PLCL1: variants seen among roughly 807,000 people sequenced by gnomAD.
PLCL1 encodes inactive phospholipase C-like protein 1.
In PLCL1, 41 loss-of-function variants were observed where a neutral mutation model predicts 84.4. The observed-to-expected ratio is 0.49, with a 90% confidence interval of 0.38 to 0.63. The LOEUF (loss-of-function observed/expected upper bound fraction) is 0.63. Ranked by LOEUF, PLCL1 falls within the 30% of genes least tolerant of loss-of-function variation. PLCL1 has a pLI of 0.00. For missense variants in PLCL1, 1,206 were observed against 1,367.8 expected (o/e 0.88, Z 1.87); for synonymous variants, 490 against 488.3 (o/e 1.00, Z -0.05).
chr2:197,996,886 A>C (rs572092290), intron 1 of PLCL1, among the ~76,000 whole-genome samples: 7 of 152,196 alleles, frequency 4.6e-5, no homozygotes, highest in Non-Finnish European at 8.8e-5. Context: ...TCAAGGCTGC[A>C]CTAATGACAT....
At chr2:197,980,915 T>C (rs1690091905) in intron 1 of PLCL1, among the ~76,000 whole-genome samples, 1 of 152,188 alleles carries the variant, frequency 6.6e-6, no homozygotes, top group Non-Finnish European at 1.5e-5. Context: ...AGCTGAATTG[T>C]GAAGGAGCCA....
In PLCL1 at chr2:197,804,898, C is replaced by A; in HGVS notation, c.-202C>A. 1 of 525,254 alleles carries A rather than the reference C, an allele frequency of 1.9e-6. No individual in the cohort carries two copies. Among genetic ancestry groups the A allele is most frequent in the South Asian group, 2.8e-5 (1 of 35,818 alleles). The allele number at this position is 525,254 out of a possible 1,614,324, so 32.5% of individuals were successfully genotyped here. Reference sequence around the variant, plus strand: ...GGACTGCTAGCCTCCTAGACCGAAGCCCGAGGACGTCTCTGCCCGAGCGAT... The same window carrying A: ...GGACTGCTAGCCTCCTAGACCGAAGACCGAGGACGTCTCTGCCCGAGCGAT... On this transcript the variant is annotated 5_prime_UTR_variant, in exon 1 of 6. Transcript: ENST00000428675.
At chr2:197,970,784 G>T (rs564024665) in intron 1 of PLCL1, among the ~76,000 whole-genome samples, 1 of 152,146 alleles carries the variant, frequency 6.6e-6, no homozygotes, top group Non-Finnish European at 1.5e-5. Flanking sequence ...TGGGATATGA[G>T]ATATGCAACA....
chr2:197,863,595 T>G (rs756407438), intron 1 of PLCL1, among the ~76,000 whole-genome samples: 2 of 151,962 alleles, frequency 1.3e-5, no homozygotes, highest in Non-Finnish European at 2.9e-5. Context: ...CTTGGCCTAT[T>G]TAAATAGTAT....
At chr2:197,880,278 T>C (rs1687806087) in intron 1 of PLCL1, among the ~76,000 whole-genome samples, 1 of 152,128 alleles carries the variant, frequency 6.6e-6, no homozygotes, top group African/African-American at 2.4e-5. Context: ...TTTTTCCTCA[T>C]AGAGGCAGCC....
At chr2:197,941,732 G>A (rs1689161511) in intron 1 of PLCL1, among the ~76,000 whole-genome samples, 1 of 152,198 alleles carries the variant, frequency 6.6e-6, no homozygotes, top group South Asian at 2.1e-4. Flanking sequence ...AATTATGTGG[G>A]TTAGCCCTCA....
intron 1 of PLCL1, among the ~76,000 whole-genome samples, chr2:198,069,293 A>G (rs1692408495): frequency 6.6e-6 from 1 of 151,844 alleles, no homozygotes; most frequent in Non-Finnish European, 1.5e-5. Context: ...GAGTTTGAAA[A>G]CAGCTTGGAC....
At chr2:198,035,997 A>T (rs1691544779) in intron 1 of PLCL1, among the ~76,000 whole-genome samples, 2 of 152,250 alleles carry the variant, frequency 1.3e-5, no homozygotes, top group Non-Finnish European at 2.9e-5. Context: ...AGATTGTGCC[A>T]CTGTACTCCA....
intron 3 of PLCL1, among the ~76,000 whole-genome samples, chr2:198,089,897 C>T (rs1435946881): frequency 6.6e-6 from 1 of 152,122 alleles, no homozygotes; most frequent in East Asian, 1.9e-4. Context: ...ATTCCCCTCA[C>T]CATTAAATTG....
intron 1 of PLCL1, among the ~76,000 whole-genome samples, chr2:197,916,917 T>C (rs933661242): frequency 6.6e-6 from 1 of 152,306 alleles, no homozygotes; most frequent in South Asian, 2.1e-4. Context: ...CAAGGTAGTA[T>C]GGCTGTAGAT....
chr2:198,079,989 G>A (rs531012603), intron 1 of PLCL1, among the ~76,000 whole-genome samples: 1 of 152,308 alleles, frequency 6.6e-6, no homozygotes, highest in South Asian at 2.1e-4. Context: ...GGAGTTGGGT[G>A]GAAGGGGTAT....
At chr2:198,064,278 A>G (rs1574284600) in intron 1 of PLCL1, among the ~76,000 whole-genome samples, 1 of 152,216 alleles carries the variant, frequency 6.6e-6, no homozygotes, top group East Asian at 1.9e-4. Flanking sequence ...TTTACCTTCC[A>G]TAAGCTCATC....
At chr2:197,921,472 C>T (rs1688698341) in intron 1 of PLCL1, among the ~76,000 whole-genome samples, 1 of 151,988 alleles carries the variant, frequency 6.6e-6, no homozygotes, top group Non-Finnish European at 1.5e-5. Context: ...GAAAAATGTC[C>T]TCATACTTAA....
chr2:198,111,759 A>G (rs1693628556), intron 5 of PLCL1, among the ~76,000 whole-genome samples: 1 of 152,002 alleles, frequency 6.6e-6, no homozygotes, highest in Admixed American at 6.6e-5. Flanking sequence ...TTTAACTCTA[A>G]AGGCCATGTT....
intron 1 of PLCL1, among the ~76,000 whole-genome samples, chr2:197,828,377 C>T (rs1269413077): frequency 6.6e-6 from 1 of 152,016 alleles, no homozygotes; most frequent in Non-Finnish European, 1.5e-5. Flanking sequence ...GTAAAAAGCA[C>T]AAAACATTTT....
At chr2:197,958,597 C>T (rs977366864) in intron 1 of PLCL1, among the ~76,000 whole-genome samples, 1 of 152,064 alleles carries the variant, frequency 6.6e-6, no homozygotes, top group Non-Finnish European at 1.5e-5. Context: ...AAGTGGCACA[C>T]TTCAAGATGT....
At chr2:198,065,003 T>C (rs765195707) in intron 1 of PLCL1, among the ~76,000 whole-genome samples, 3 of 152,174 alleles carry the variant, frequency 2.0e-5, no homozygotes, top group Admixed American at 6.5e-5. Flanking sequence ...AAGATTTATG[T>C]AGTCTTCAAG....
chr2:198,008,384 T>G (rs1035372570), intron 1 of PLCL1, among the ~76,000 whole-genome samples: 4 of 152,118 alleles, frequency 2.6e-5, no homozygotes, highest in Non-Finnish European at 5.9e-5. Flanking sequence ...CCTCAGACCC[T>G]GGAAATTACC....
At chr2:198,008,887 G>T (rs1310424009) in intron 1 of PLCL1, among the ~76,000 whole-genome samples, 1 of 151,812 alleles carries the variant, frequency 6.6e-6, no homozygotes, top group East Asian at 1.9e-4. Context: ...TCTTTTGATG[G>T]TGACCATCCT....
Sources: gnomAD v4.1 joint callset for allele counts (sites outside exome capture counted in the v4.1 genomes callset) on GRCh38, gnomAD v4.1.1 for gene constraint, MANE v1.5 for transcripts, NCBI Gene and HGNC (gene_info 2026-07-23, HGNC 2026-07-21) for gene names.